Variants in CASP4 observed in about 807,000 individuals in gnomAD.
CASP4 encodes the protein caspase-4.
Under a neutral mutation model 41.3 loss-of-function variants are expected in CASP4, and 29 were observed. That is an observed-to-expected ratio of 0.70 (90% CI 0.52 to 0.96). The LOEUF (loss-of-function observed/expected upper bound fraction) is 0.96. Ranked by LOEUF, CASP4 falls within the 40% of genes least tolerant of loss-of-function variation. The probability of loss-of-function intolerance (pLI) is 0.00; values close to 1 mark genes in which losing one functional copy is unlikely to be tolerated. For synonymous variants in CASP4, 185 were observed against 158.4 expected, an observed-to-expected ratio of 1.17 and a Z score of -1.26; for missense variants, 447 against 460.6, an observed-to-expected ratio of 0.97 and a Z score of 0.27.
rs191146364 is a variant in CASP4 at position 104,961,950 on chromosome 11, C to T, written c.7+6569G>A. ...TGTGAATTACTGTTCTGAGGTCGTC[C>T]CTCCCCACCTGGAGTGGATCAAAGA... On this transcript the variant is annotated intron_variant, in intron 1 of 8. Transcript: ENST00000444739. Among the ~76,000 whole-genome samples the T allele has an allele frequency of 1.3e-3, 196 of 152,262 alleles. 1 individual carries two copies. Among genetic ancestry groups the T allele is most frequent in the Middle Eastern group, 6.8e-3 (2 of 294 alleles).
intron 1 of CASP4, among the ~76,000 whole-genome samples, chr11:104,960,589 C>A (rs1344695120): frequency 1.3e-5 from 2 of 152,148 alleles, no homozygotes; most frequent in African/African-American, 2.4e-5. Flanking sequence ...CCTGCCTCAG[C>A]CTTCTGAGTA....
intron 5 of CASP4, chr11:104,949,256 A>G (rs1266432576): frequency 2.3e-6 from 1 of 443,462 alleles, no homozygotes; most frequent in Non-Finnish European, 4.1e-6. Flanking sequence ...GCTATCATGA[A>G]AATGATTCCA....
At chr11:104,962,235 G>A (rs1017823627) in intron 1 of CASP4, among the ~76,000 whole-genome samples, 3 of 151,990 alleles carry the variant, frequency 2.0e-5, no homozygotes, top group Non-Finnish European at 4.4e-5. Flanking sequence ...ATCAGAAGCC[G>A]TTCCGTTCTT....
chr11:104,964,233 A>G (rs1860924285), intron 1 of CASP4, among the ~76,000 whole-genome samples: 1 of 152,178 alleles, frequency 6.6e-6, no homozygotes, highest in Non-Finnish European at 1.5e-5. Flanking sequence ...CTCTGAGTGC[A>G]GGTCTCAGAT....
At chr11:104,943,800 G>T (rs1286414959) in intron 8 of CASP4, 1 of 152,170 alleles carries the variant, frequency 6.6e-6, no homozygotes, top group African/African-American at 2.4e-5. Context: ...CTGTTATGCT[G>T]AAATGATGCA....
At position 104,949,611 on chromosome 11, in the gene CASP4, AAT is replaced by A; in HGVS notation, c.711_712del (p.Phe238GlnfsTer46). The A allele has an allele frequency of 6.2e-7, 1 of 1,613,936 alleles. No individual in the cohort carries two copies. Among genetic ancestry groups the A allele is most frequent in the South Asian group, 1.1e-5 (1 of 91,088 alleles). The stretch of plus-strand genomic sequence containing the variant: ...CAGACTGAGGCAGTTGCGGTTGTTG[AAT>A]ATCTGGAAGATGGTGTCATAAAGCA... On this transcript the variant is annotated frameshift_variant, in exon 5 of 9. Coordinates refer to ENST00000444739, the MANE Select transcript of CASP4 (RefSeq NM_001225.4). LOFTEE classifies it high-confidence loss of function.
intron 1 of CASP4, among the ~76,000 whole-genome samples, chr11:104,968,141 G>T (rs868051812): frequency 6.6e-6 from 1 of 152,148 alleles, no homozygotes. Context: ...GAGGCTCTCA[G>T]ATCTGATTCT....
At chr11:104,949,400 C>A in intron 5 of CASP4, 143 bp downstream of exon 5, 2 of 852,430 alleles carry the variant, frequency 2.3e-6, no homozygotes, top group Non-Finnish European at 3.7e-6. Flanking sequence ...TATACCAGAC[C>A]CTTAGGTAGA....
chr11:104,964,702 T>C (rs1860935068), intron 1 of CASP4, among the ~76,000 whole-genome samples: 1 of 152,188 alleles, frequency 6.6e-6, no homozygotes, highest in Admixed American at 6.5e-5. Context: ...ACAAGGTTCT[T>C]GATCTGTAGT....
At chr11:104,951,703 T>C (rs937565074) in intron 3 of CASP4, 193 bp downstream of exon 3, 12 of 612,448 alleles carry the variant, frequency 2.0e-5, no homozygotes, top group African/African-American at 5.5e-5. Context: ...CATGATAAAA[T>C]GATCTGCATC....
At chr11:104,948,388 C>T (rs191712772) in intron 6 of CASP4, 145 bp downstream of exon 6, 21 of 746,680 alleles carry the variant, frequency 2.8e-5, no homozygotes, top group East Asian at 1.5e-4. Context: ...TCTGTTCTCA[C>T]GGCACACATA....
At chr11:104,949,103 A>G (rs1213822896) in intron 5 of CASP4, 3 of 247,732 alleles carry the variant, frequency 1.2e-5, no homozygotes, top group African/African-American at 2.2e-5. Flanking sequence ...GCAACATTCT[A>G]CAGTCCCCTG....
At chr11:104,949,249 A>G (rs1212109422) in intron 5 of CASP4, 1 of 428,514 alleles carries the variant, frequency 2.3e-6, no homozygotes, top group Non-Finnish European at 4.2e-6. Context: ...AAATCAAGCT[A>G]TCATGAAAAT....
At chr11:104,946,648 T>C (rs1860468207) in intron 7 of CASP4, 1 of 152,654 alleles carries the variant, frequency 6.6e-6, no homozygotes, top group Non-Finnish European at 1.5e-5. Context: ...ACATATTTGT[T>C]TGTTAACCCA....
chr11:104,960,370 CCT>C (rs962903571), intron 1 of CASP4, among the ~76,000 whole-genome samples: 4 of 152,154 alleles, frequency 2.6e-5, no homozygotes, highest in African/African-American at 9.7e-5. Flanking sequence ...TTAAGGGAAT[CCT>C]CTCTGATTCT....
At chr11:104,946,995 G>T in intron 7 of CASP4, 88 bp downstream of exon 7, 2 of 919,500 alleles carry the variant, frequency 2.2e-6, no homozygotes, top group Non-Finnish European at 1.7e-6. Flanking sequence ...TCACTTCCCT[G>T]ACAAAAATTG....
chr11:104,947,265 A>C, intron 6 of CASP4, 73 bp from the exon 7 acceptor site: 1 of 913,182 alleles, frequency 1.1e-6, no homozygotes, highest in South Asian at 1.8e-5. Flanking sequence ...TTGTTTTGAG[A>C]ATGTTTTTAA....
At chr11:104,964,720 G>C (rs556789812) in intron 1 of CASP4, among the ~76,000 whole-genome samples, 93 of 152,270 alleles carry the variant, frequency 6.1e-4, no homozygotes, top group Middle Eastern at 3.4e-3. Context: ...AGTAAGTAAA[G>C]AATATCACTT....
intron 1 of CASP4, among the ~76,000 whole-genome samples, chr11:104,960,954 T>A (rs1222505694): frequency 3.3e-5 from 5 of 152,248 alleles, no homozygotes; most frequent in Admixed American, 6.5e-5. Flanking sequence ...GTCAAGTCCA[T>A]GTAGGAACAA....
Sources: allele counts gnomAD v4.1 joint callset (sites outside exome capture counted in the v4.1 genomes callset), GRCh38; gene constraint gnomAD v4.1.1; transcripts MANE v1.5; gene names NCBI Gene and HGNC (gene_info 2026-07-23, HGNC 2026-07-21).